Variants in CLCN1 observed in about 807,000 individuals in gnomAD.
The protein encoded by CLCN1 is chloride voltage-gated channel 1.
Under a neutral mutation model 114.5 loss-of-function variants are expected in CLCN1, and 100 were observed. The ratio of observed to expected loss-of-function variants is 0.87; its 90% CI spans 0.74 to 1.03. The LOEUF is 1.03. Among genes scored for constraint, CLCN1 ranks in the 50% least tolerant of loss-of-function variants. CLCN1 has a pLI of 0.00. For missense variants in CLCN1, 1,188 were observed against 1,250.0 expected, an observed-to-expected ratio of 0.95 and a Z score of 0.75; for synonymous variants, 485 against 487.1, an observed-to-expected ratio of 1.00 and a Z score of 0.06.
intron 7 of CLCN1, among the ~76,000 whole-genome samples, chr7:143,327,743 C>T (rs989692147): frequency 2.0e-5 from 3 of 152,154 alleles, no homozygotes; most frequent in African/African-American, 7.2e-5. Flanking sequence ...CAACCTCTGT[C>T]TCCTGGGTTC....
chr7:143,351,394 C>T (rs1194160482), intron 22 of CLCN1, among the ~76,000 whole-genome samples, 200 bp from the exon 23 acceptor site: 1 of 151,836 alleles, frequency 6.6e-6, no homozygotes, highest in African/African-American at 2.4e-5. Flanking sequence ...TTTGTCATGC[C>T]CCTTTTCTTG....
At chr7:143,323,138 T>C (rs1228590528) in intron 5 of CLCN1, among the ~76,000 whole-genome samples, 171 bp from the exon 6 acceptor site, 2 of 152,080 alleles carry the variant, frequency 1.3e-5, no homozygotes, top group African/African-American at 2.4e-5. Context: ...CACTGGTTTC[T>C]CCTCTTCTTC....
chr7:143,336,755 A>T (rs930928176), intron 12 of CLCN1, among the ~76,000 whole-genome samples: 1 of 152,206 alleles, frequency 6.6e-6, no homozygotes, highest in South Asian at 2.1e-4. Context: ...TAGCTAAAAA[A>T]GTTTGTTAAT....
intron 1 of CLCN1, among the ~76,000 whole-genome samples, chr7:143,317,280 G>A (rs1009601861): frequency 2.3e-5 from 3 of 127,778 alleles, no homozygotes; most frequent in Non-Finnish European, 4.7e-5. Flanking sequence ...ATGGAGTCTC[G>A]CTCTGTCTCC....
At chr7:143,318,473 T>G (rs1802346507) in intron 1 of CLCN1, among the ~76,000 whole-genome samples, 1 of 152,228 alleles carries the variant, frequency 6.6e-6, no homozygotes, top group African/African-American at 2.4e-5. Flanking sequence ...CCTGCCCATC[T>G]CAGGCTCCTA....
rs780145291 is a variant in CLCN1, at chr7:143,319,791, G to C, written c.217G>C (p.Glu73Gln). ...TCACAAAGAACAATTCTCAGACAGG[G>C]AGCAGGACATAGGGATGCCCAAGAA... ...GHHKEQFSDR[E>Q]QDIGMPKKTG... The change falls in exon 2 of 23, where the codon GAG (glutamate) becomes CAG (glutamine). Residue 73 changes from glutamate to glutamine, a missense_variant. Physicochemically the swap from Glu to Gln is conservative, Grantham distance 29. Transcript: ENST00000343257. The C allele has an allele frequency of 6.2e-7, 1 of 1,613,716 alleles. No individual in the cohort carries two copies. Among genetic ancestry groups the C allele is most frequent in the South Asian group, 1.1e-5 (1 of 91,064 alleles).
Position 143,351,766 on chromosome 7 carries a change from T to C in CLCN1, c.2768T>C (p.Ile923Thr). ...GGGGCCACTGGAACAGGGGATGTGATTGCTGCCTCCCCAGAGACCCCTGTG... is the reference window on the plus strand; with the variant it reads ...GGGGCCACTGGAACAGGGGATGTGACTGCTGCCTCCCCAGAGACCCCTGTG... ...RPGATGTGDV[I>T]AASPETPVPS... Residue 923 changes from isoleucine (I) to threonine (T), a missense_variant, in exon 23 of 23, where the codon ATT becomes ACT. Transcript: ENST00000343257. 4 of 1,614,098 alleles carry C rather than the reference T, an allele frequency of 2.5e-6. No homozygotes were observed. Among genetic ancestry groups the C allele is most frequent in the Non-Finnish European group, 3.4e-6 (4 of 1,179,998 alleles).
At chr7:143,345,904 GAGAAAGCC>G in intron 17 of CLCN1, 142 bp downstream of exon 17, 1 of 1,223,676 alleles carries the variant, frequency 8.2e-7, no homozygotes, top group South Asian at 1.4e-5. Context: ...TCTGGTAACT[GAGAAAGCC>G]AGAAATTCTG....
intron 22 of CLCN1, 83 bp from the exon 23 acceptor site, chr7:143,351,511 G>A (rs1411436950): frequency 6.8e-7 from 1 of 1,467,004 alleles, no homozygotes; most frequent in Non-Finnish European, 9.3e-7. Flanking sequence ...CATTGTACCT[G>A]TTCTTTTCTG....
At chr7:143,325,425 G>T (rs1420608810) in intron 7 of CLCN1, among the ~76,000 whole-genome samples, 1 of 152,220 alleles carries the variant, frequency 6.6e-6, no homozygotes, top group Admixed American at 6.5e-5. Flanking sequence ...GCAAATGCAT[G>T]ATCTAACTTA....
intron 16 of CLCN1, among the ~76,000 whole-genome samples, chr7:143,344,871 CT>C (rs1803186200): frequency 6.6e-6 from 1 of 151,948 alleles, no homozygotes; most frequent in South Asian, 2.1e-4. Context: ...CTGCCTCAGC[CT>C]CCCAAGTAGC....
chr7:143,350,674 T>C lies in CLCN1; in HGVS notation c.2595+20T>C. On this transcript the variant is annotated intron_variant, in intron 22 of 22. Transcript: ENST00000343257. The surrounding 1 kb of genome is among the most constrained non-coding windows in gnomAD (Gnocchi z 5.1). ...GAGGAGGTAATCACGATGTGTCCCA[T>C]TTGAGCAGCAGGAGGGAGGCTGGGC... The C allele has an allele frequency of 6.3e-7, 1 of 1,593,924 alleles. No individual in the cohort carries two copies. Among genetic ancestry groups the C allele is most frequent in the Non-Finnish European group, 8.6e-7 (1 of 1,161,868 alleles).
chr7:143,326,360 T>A (rs1802575518), intron 7 of CLCN1, among the ~76,000 whole-genome samples: 1 of 152,170 alleles, frequency 6.6e-6, no homozygotes, highest in Non-Finnish European at 1.5e-5. Flanking sequence ...GAGTCAGCTC[T>A]TAATTTCTTA....
intron 16 of CLCN1, among the ~76,000 whole-genome samples, chr7:143,343,889 G>C (rs573310886): frequency 1.3e-3 from 194 of 151,916 alleles, no homozygotes; most frequent in African/African-American, 4.5e-3. Context: ...GCCCAGGCAG[G>C]AGTGCAATGG....
Position 143,343,065 on chromosome 7 carries a change from GTC to G in CLCN1, c.1930+564_1930+565del, listed in dbSNP as rs1563085473. Among the ~76,000 whole-genome samples, 4 of 152,298 alleles carry G rather than the reference GTC, an allele frequency of 2.6e-5. No homozygotes were observed. The East Asian group carries it at 5.8e-4, about 22-fold the overall frequency. ...AAAATACAGGGCTGTGTTCCTGTGAGTCTCTGGTCACATTTCCATCAACCAAT... is the reference window on the plus strand; with the variant it reads ...AAAATACAGGGCTGTGTTCCTGTGAGTCTGGTCACATTTCCATCAACCAAT... On this transcript the variant is annotated intron_variant, in intron 16 of 22. Transcript: ENST00000343257.
chr7:143,331,801 A>G lies in CLCN1; in HGVS notation c.1166+149A>G. ...GCTCTGATATTGTGGTTAGGGGGTGAATTGTGTGGTCTCCCATTTAAAGAT... is the reference window on the plus strand; with the variant it reads ...GCTCTGATATTGTGGTTAGGGGGTGGATTGTGTGGTCTCCCATTTAAAGAT... On this transcript the variant is annotated intron_variant, in intron 10 of 22. Coordinates refer to ENST00000343257, the MANE Select transcript of CLCN1 (RefSeq NM_000083.3). 1.0e-5 allele frequency: 7 copies of G among 686,216 alleles called. No individual in the cohort carries two copies. The South Asian group carries it at 1.1e-4, about 11-fold the overall frequency. 42.5% of individuals were successfully genotyped at this position (686,216 alleles called of 1,614,324 possible).
At chr7:143,331,511 C>A in intron 9 of CLCN1, 40 bp from the exon 10 acceptor site, 1 of 1,432,454 alleles carries the variant, frequency 7.0e-7, no homozygotes, top group Non-Finnish European at 9.9e-7. Flanking sequence ...ATGAGGATTT[C>A]ATGTCTGTAA....
chr7:143,320,013 G>GA, intron 2 of CLCN1, 138 bp downstream of exon 2: 8 of 898,514 alleles, frequency 8.9e-6, no homozygotes, highest in Non-Finnish European at 1.4e-5. Context: ...TTAAGAGACA[G>GA]GGTCTCACTC....
intron 20 of CLCN1, among the ~76,000 whole-genome samples, chr7:143,349,247 C>T (rs1408495178): frequency 6.6e-6 from 1 of 152,168 alleles, no homozygotes; most frequent in Non-Finnish European, 1.5e-5. Context: ...GTCATCCATC[C>T]TATGCTATGT....
Sources: allele counts gnomAD v4.1 joint callset (sites outside exome capture counted in the v4.1 genomes callset), GRCh38; gene constraint gnomAD v4.1.1; non-coding constraint Gnocchi (gnomAD v3.1); transcripts MANE v1.5; gene names NCBI Gene and HGNC (gene_info 2026-07-23, HGNC 2026-07-21).